The following GATAD2A variants were observed in gnomAD, a reference collection of about 807,000 sequenced individuals.
GATAD2A encodes the protein transcriptional repressor p66-alpha.
A neutral mutation model predicts 68.5 loss-of-function variants in GATAD2A; 12 were observed. The ratio of observed to expected loss-of-function variants is 0.18; its 90% confidence interval spans 0.11 to 0.28. The LOEUF (loss-of-function observed/expected upper bound fraction) is 0.28, where lower values mean the gene tolerates loss of function less well. Ranked by LOEUF, GATAD2A falls within the 10% of genes least tolerant of loss-of-function variation. GATAD2A has a pLI of 1.00. For synonymous variants in GATAD2A, 410 were observed against 375.3 expected (o/e 1.09, Z -1.07); for missense variants, 755 against 868.5 (o/e 0.87, Z 1.64).
intron 4 of GATAD2A, among the ~76,000 whole-genome samples, chr19:19,493,348 T>G (rs2059929887): frequency 6.6e-6 from 1 of 152,116 alleles, no homozygotes; most frequent in Non-Finnish European, 1.5e-5. Flanking sequence ...GCCTGCACTG[T>G]GGGCGCAGGG....
At chr19:19,492,748 GGAGC>G in intron 4 of GATAD2A, 36 bp downstream of exon 4, 1 of 1,611,590 alleles carries the variant, frequency 6.2e-7, no homozygotes, top group Non-Finnish European at 8.5e-7. Flanking sequence ...TGGGCCAGCA[GGAGC>G]GCCTGGCCTT....
chr19:19,496,292 C>CCA, intron 7 of GATAD2A, 73 bp downstream of exon 7: 1 of 1,362,850 alleles, frequency 7.3e-7, no homozygotes, highest in Non-Finnish European at 1.0e-6. Flanking sequence ...GACCCAGGTT[C>CCA]TGGGGCACAG....
intron 1 of GATAD2A, among the ~76,000 whole-genome samples, chr19:19,457,438 C>T (rs1035956752): frequency 2.0e-5 from 3 of 152,140 alleles, no homozygotes; most frequent in Non-Finnish European, 4.4e-5. Flanking sequence ...CAGGTGAAAG[C>T]AGTGTAAACA....
At chr19:19,463,055 T>G (rs2057577465) in intron 1 of GATAD2A, among the ~76,000 whole-genome samples, 1 of 151,976 alleles carries the variant, frequency 6.6e-6, no homozygotes, top group South Asian at 2.1e-4. Flanking sequence ...TCCCCAACAG[T>G]AGTTATAAGG....
intron 1 of GATAD2A, among the ~76,000 whole-genome samples, chr19:19,448,247 T>G (rs2147777192): frequency 6.6e-6 from 1 of 152,370 alleles, no homozygotes; most frequent in East Asian, 1.9e-4. Flanking sequence ...GGACTCCCCC[T>G]TCACAGGCGG....
chr19:19,408,483 A>G (rs947227709), intron 1 of GATAD2A, among the ~76,000 whole-genome samples: 9 of 152,210 alleles, frequency 5.9e-5, no homozygotes, highest in Admixed American at 4.6e-4. Context: ...AGGATTAGCA[A>G]TAGTTTTTCT....
rs147971125 is a variant in GATAD2A, at chr19:19,460,916, C to T, written c.-6-4424C>T. On this transcript the variant is annotated intron_variant, in intron 1 of 11. Coordinates refer to ENST00000683918, the MANE Select transcript of GATAD2A (RefSeq NM_001384528.1). ...CCCTGTCTCCTTCAGGGCTGGCTTC[C>T]GGTGCCGCCCGTTCCACCCAGCCCC... Among the ~76,000 whole-genome samples the T allele has an allele frequency of 4.7e-3, 722 of 152,322 alleles. 4 individuals carry two copies. The highest frequency in any genetic ancestry group is 0.041 in the South Asian group (199 of 4,834).
At chr19:19,438,836 C>T (rs1017224885) in intron 1 of GATAD2A, among the ~76,000 whole-genome samples, 8 of 152,212 alleles carry the variant, frequency 5.3e-5, no homozygotes, top group Non-Finnish European at 8.8e-5. Flanking sequence ...GGAAGCCACC[C>T]CCGAATAATT....
chr19:19,412,198 C>T (rs2051034467), intron 1 of GATAD2A, among the ~76,000 whole-genome samples: 1 of 150,994 alleles, frequency 6.6e-6, no homozygotes. Context: ...CTCTGTCAGC[C>T]AGGCTGGAGT....
intron 2 of GATAD2A, among the ~76,000 whole-genome samples, chr19:19,471,937 C>T (rs1345570144): frequency 6.6e-6 from 1 of 151,922 alleles, no homozygotes; most frequent in Non-Finnish European, 1.5e-5. Context: ...GCACTGTCGG[C>T]CAGGCAAGAG....
At position 19,416,201 on chromosome 19, in the gene GATAD2A, A is replaced by T. The variant is rs566152310; in HGVS notation, c.-7+10182A>T. ...AAGATACAAAAAAGGAGCACATGGA[A>T]ATGGGAGGAGCCAACTAAATATCAG... On this transcript the variant is annotated intron_variant, in intron 1 of 11. Coordinates refer to ENST00000683918, the MANE Select transcript of GATAD2A (RefSeq NM_001384528.1). Among the ~76,000 whole-genome samples the T allele has an allele frequency of 1.7e-3, 261 of 152,354 alleles. 1 individual carries two copies. The highest frequency in any genetic ancestry group is 3.4e-3 in the Middle Eastern group (1 of 294).
At chr19:19,476,502 T>A (rs1293429894) in intron 2 of GATAD2A, among the ~76,000 whole-genome samples, 1 of 152,232 alleles carries the variant, frequency 6.6e-6, no homozygotes, top group Non-Finnish European at 1.5e-5. Context: ...CTGTGCCCAC[T>A]GAAACTGGGT....
intron 1 of GATAD2A, among the ~76,000 whole-genome samples, chr19:19,418,669 A>G (rs1013118480): frequency 6.6e-6 from 1 of 152,196 alleles, no homozygotes; most frequent in African/African-American, 2.4e-5. Context: ...CGTCTCTGAA[A>G]CAACCACATG....
chr19:19,393,396 A>G (rs1266297909), intron 1 of GATAD2A, among the ~76,000 whole-genome samples: 2 of 152,200 alleles, frequency 1.3e-5, no homozygotes, highest in Non-Finnish European at 2.9e-5. Flanking sequence ...TTCTAGTGCA[A>G]TTTACATTAC....
At chr19:19,450,372 C>T (rs2056241086) in intron 1 of GATAD2A, among the ~76,000 whole-genome samples, 1 of 152,166 alleles carries the variant, frequency 6.6e-6, no homozygotes, top group African/African-American at 2.4e-5. Flanking sequence ...TTGTAAATAG[C>T]GTCTTCCTGG....
At chr19:19,496,337 T>A in intron 7 of GATAD2A, 118 bp downstream of exon 7, 1 of 954,266 alleles carries the variant, frequency 1.0e-6, no homozygotes, top group Non-Finnish European at 1.6e-6. Flanking sequence ...ATGACCTGCC[T>A]TGCTCTTTCA....
rs2060952162 is a variant in GATAD2A at position 19,508,302 on chromosome 19, CCGTCCTGACCT to C, written c.*2830_*2840del. 1 of 152,300 alleles carries C rather than the reference CCGTCCTGACCT, an allele frequency of 6.6e-6. No individual in the cohort carries two copies. The highest frequency in any genetic ancestry group is 2.1e-4 in the South Asian group (1 of 4,834). The allele number at this position is 152,300 out of a possible 1,614,324, so 9.4% of individuals were successfully genotyped here. A position where few individuals can be genotyped will look rare whatever the true frequency, so the allele number is the denominator to read the frequency against. ...CCCTTGGAACCTCCCACAGCTATGG[CCGTCCTGACCT>C]CATCCCAGGAACTCTACGGTGACCA... On this transcript the variant is annotated 3_prime_UTR_variant, in exon 12 of 12. Transcript: ENST00000683918.
At chr19:19,386,577 G>A (rs944358168) in intron 1 of GATAD2A, among the ~76,000 whole-genome samples, 5 of 150,570 alleles carry the variant, frequency 3.3e-5, no homozygotes, top group Non-Finnish European at 7.4e-5. Flanking sequence ...CTAGGGGAAC[G>A]CTGCCTCTCT....
At chr19:19,394,914 A>G (rs1220139619) in intron 1 of GATAD2A, among the ~76,000 whole-genome samples, 1 of 152,220 alleles carries the variant, frequency 6.6e-6, no homozygotes, top group African/African-American at 2.4e-5. Flanking sequence ...CTCGAGGGCA[A>G]GAGGGAGGGT....
Sources: allele counts gnomAD v4.1 joint callset (sites outside exome capture counted in the v4.1 genomes callset), GRCh38; gene constraint gnomAD v4.1.1; transcripts MANE v1.5; gene names NCBI Gene and HGNC (gene_info 2026-07-23, HGNC 2026-07-21).